The following ZBED1 variants were observed in gnomAD, a reference collection of about 807,000 sequenced individuals.
ZBED1 encodes zinc finger BED-type containing 1.
Under a neutral mutation model 49.7 loss-of-function variants are expected in ZBED1, and 19 were observed. That is an observed-to-expected ratio of 0.38 (90% CI 0.27 to 0.56). The LOEUF (loss-of-function observed/expected upper bound fraction) is 0.56, where lower values mean the gene tolerates loss of function less well. ZBED1 is among the 20% of genes least tolerant of loss of function. ZBED1 has a pLI of 0.70. For missense variants in ZBED1, 806 were observed against 972.6 expected (o/e 0.83, Z 2.28); for synonymous variants, 439 against 440.3 (o/e 1.00, Z 0.04).
Position 2,488,628 on chromosome X carries a change from T to G in ZBED1, c.*7A>C. ...GGGGATGACTTGTAAGACAACACGC[T>G]TCCTCGCTACAGGAAGCTGCTGTCC... On this transcript the variant is annotated 3_prime_UTR_variant, in exon 2 of 2. Coordinates refer to ENST00000652001, the MANE Select transcript of ZBED1 (RefSeq NM_001171136.2). 7.6e-6 allele frequency: 12 copies of G among 1,588,696 alleles called. No homozygotes were observed. The highest frequency in any genetic ancestry group is 1.0e-5 in the Non-Finnish European group (12 of 1,168,572).
intron 1 of ZBED1, among the ~76,000 whole-genome samples, chrX:2,492,339 G>A (rs2045173199): frequency 6.6e-6 from 1 of 152,172 alleles, no homozygotes; most frequent in Non-Finnish European, 1.5e-5. Flanking sequence ...TGGAGACAGA[G>A]GCCGAGACTG....
Position 2,489,560 on chromosome X carries a change from T to A in ZBED1, c.1160A>T (p.Glu387Val). ...EDSNNHHLML[E>V]ASEWATIEGL... ...CTCGATGGTGGCCCACTCGCTGGCC[T>A]CCAGCATGAGGTGGTGGTTGTTGCT... is the stretch of plus-strand genomic sequence containing the variant. The change falls in exon 2 of 2, where the codon GAG becomes GTG. Residue 387 changes from glutamate to valine, a missense_variant. Physicochemically the swap from Glu to Val is moderately radical, Grantham distance 121. This residue lies in a region of ZBED1 where 749 missense variants were observed against 861.3 expected (regional missense o/e 0.87). Coordinates refer to ENST00000652001, the MANE Select transcript of ZBED1 (RefSeq NM_001171136.2). The A allele has an allele frequency of 1.9e-6, 3 of 1,612,658 alleles. No homozygotes were observed. The highest frequency in any genetic ancestry group is 2.5e-6 in the Non-Finnish European group (3 of 1,179,824).
In ZBED1 at chrX:2,491,066, G is replaced by GTTTT. The variant is rs900738620; in HGVS notation, c.-53-298_-53-295dup. 2.0e-3 allele frequency among the ~76,000 whole-genome samples: 222 copies of GTTTT among 110,190 alleles called. 10 individuals carry two copies. Among genetic ancestry groups the GTTTT allele is most frequent in the East Asian group, 6.6e-3 (25 of 3,782 alleles). The allele number at this position is 110,190 out of a possible 152,430, so 72.3% of individuals were successfully genotyped here. On this transcript the variant is annotated intron_variant, in intron 1 of 1. Coordinates refer to ENST00000652001, the MANE Select transcript of ZBED1 (RefSeq NM_001171136.2). ...GGGCTGTACCTGACAAGTGCCTTTAGTTTTTTTTTTTTTTTTTTTTTGAGA... is the reference window on the plus strand; with the variant it reads ...GGGCTGTACCTGACAAGTGCCTTTAGTTTTTTTTTTTTTTTTTTTTTTTTTGAGA...
Position 2,490,689 on chromosome X carries a change from T to A in ZBED1, c.31A>T (p.Thr11Ser). 6.2e-7 allele frequency: 1 copy of A among 1,613,902 alleles called. No individual in the cohort carries two copies. Among genetic ancestry groups the A allele is most frequent in the Non-Finnish European group, 8.5e-7 (1 of 1,179,826 alleles). Residue 11 changes from threonine (T) to serine (S), a missense_variant, in exon 2 of 2, where the codon ACA becomes TCA. Around this residue, in one of 2 missense-constraint regions of ZBED1, gnomAD observed 57 missense variants for 111.3 expected, o/e 0.51. Transcript: ENST00000652001. MENKSLESSQTDLKLVAHPRA... is the reference protein window; with the variant it reads MENKSLESSQSDLKLVAHPRA... ...GGGTGGGCCACCAGCTTCAGGTCTGTCTGGGAGCTCTCCAGGCTTTTATTC... is the reference window on the plus strand; with the variant it reads ...GGGTGGGCCACCAGCTTCAGGTCTGACTGGGAGCTCTCCAGGCTTTTATTC...
In ZBED1 at chrX:2,489,107, G is replaced by C. The variant is rs139100576; in HGVS notation, c.1613C>G (p.Pro538Arg). The C allele has an allele frequency of 1.4e-5, 23 of 1,613,470 alleles. No individual in the cohort carries two copies. The highest frequency in any genetic ancestry group is 1.9e-5 in the Non-Finnish European group (22 of 1,179,844). ...GTTGTTGATGACGCTGGCGGGCGGC[G>C]GCGTGGATGTCCGCATGAGCTTCTT... ...PVKKLMRTST[P>R]PPASVINNML... Residue 538 changes from proline (P) to arginine (R), a missense_variant, in exon 2 of 2, where the codon CCG becomes CGG. By Grantham distance (103) the Pro-to-Arg change is moderately radical. Coordinates refer to ENST00000652001, the MANE Select transcript of ZBED1 (RefSeq NM_001171136.2).
chrX:2,500,664 C>CCCCCCCCCCCCCCCCA, intron 1 of ZBED1, 153 bp downstream of exon 1: 1 of 129,892 alleles, frequency 7.7e-6, no homozygotes, highest in Non-Finnish European at 1.7e-5. Context: ...GCCCCCCCCC[C>CCCCCCCCCCCCCCCCA]ACCCCCGGCC....
chrX:2,492,841 G>A (rs1240039855), intron 1 of ZBED1, among the ~76,000 whole-genome samples: 2 of 152,234 alleles, frequency 1.3e-5, no homozygotes, highest in Non-Finnish European at 2.9e-5. Flanking sequence ...GAGAGAATAA[G>A]CTATGGTTTT....
At position 2,496,471 on chromosome X, in the gene ZBED1, T is replaced by G. The variant is rs753883137; in HGVS notation, c.-54+4346A>C. On this transcript the variant is annotated intron_variant, in intron 1 of 1. Transcript: ENST00000652001. ...GCCTCAGCCTCCCAAAGTGCTGGGA[T>G]TATAGGCATGAGCCACCGCACCCGG... Among the ~76,000 whole-genome samples the G allele has an allele frequency of 3.9e-4, 59 of 152,302 alleles. No individual in the cohort carries two copies. In the East Asian group the frequency reaches 0.011, roughly 29 times the overall value.
At chrX:2,496,478 C>A (rs1569350376) in intron 1 of ZBED1, among the ~76,000 whole-genome samples, 1 of 152,148 alleles carries the variant, frequency 6.6e-6, no homozygotes, top group Admixed American at 6.5e-5. Context: ...GGATTATAGG[C>A]ATGAGCCACC....
intron 1 of ZBED1, among the ~76,000 whole-genome samples, chrX:2,493,701 G>T (rs755502485): frequency 6.6e-6 from 1 of 152,086 alleles, no homozygotes; most frequent in East Asian, 1.9e-4. Context: ...CAGGCACAGC[G>T]GCTCACGCCT....
At chrX:2,500,586 G>A (rs1308758533) in intron 1 of ZBED1, 2 of 190,048 alleles carry the variant, frequency 1.1e-5, no homozygotes, top group Non-Finnish European at 2.1e-5. Context: ...GGGTCGGGCC[G>A]GGCCAGGCGC....
chrX:2,495,797 T>G (rs899422675), intron 1 of ZBED1, among the ~76,000 whole-genome samples: 1 of 151,564 alleles, frequency 6.6e-6, no homozygotes, highest in African/African-American at 2.4e-5. Context: ...GGGGGGACAC[T>G]CCCCAAAACG....
At chrX:2,492,617 G>A (rs190475067) in intron 1 of ZBED1, among the ~76,000 whole-genome samples, 1 of 151,918 alleles carries the variant, frequency 6.6e-6, no homozygotes, top group Non-Finnish European at 1.5e-5. Flanking sequence ...AGTGACAGAT[G>A]TCCTTATAAA....
Position 2,489,707 on chromosome X carries a change from T to G in ZBED1, c.1013A>C (p.Gln338Pro). ...CAGCATGCAGTGGGCCACGTTCTGC[T>G]GCTTCTGCTTCTCATAGAGCATGTA... ...AMYMLYEKQK[Q>P]QNVAHCMLVS... The change falls in exon 2 of 2, where the codon CAG becomes CCG. Residue 338 changes from glutamine (Q) to proline (P), a missense_variant. Around this residue, in one of 2 missense-constraint regions of ZBED1, gnomAD observed 749 missense variants for 861.3 expected, o/e 0.87. Coordinates refer to ENST00000652001, the MANE Select transcript of ZBED1 (RefSeq NM_001171136.2). 6.2e-7 allele frequency: 1 copy of G among 1,612,924 alleles called. No individual in the cohort carries two copies. Among genetic ancestry groups the G allele is most frequent in the Non-Finnish European group, 8.5e-7 (1 of 1,179,836 alleles).
rs1179538285 is a variant in ZBED1, at chrX:2,489,628, G to A, written c.1092C>T (p.Leu364=). Residue 364 remains leucine, a synonymous_variant, in exon 2 of 2, where the codon CTC becomes CTT. Transcript: ENST00000652001. ...WGSTLAMLQR[L]KEQQFVIAGV... is the part of the protein sequence containing the mutation. ...CGGCGATGACGAACTGCTGCTCCTT[G>A]AGGCGCTGCAGCATGGCCAGCGTGC... The A allele has an allele frequency of 6.2e-7, 1 of 1,612,548 alleles. No individual in the cohort carries two copies. The highest frequency in any genetic ancestry group is 8.5e-7 in the Non-Finnish European group (1 of 1,179,806).
At chrX:2,498,625 GAAAAAAAA>G (rs10624636) in intron 1 of ZBED1, among the ~76,000 whole-genome samples, 1 of 128,778 alleles carries the variant, frequency 7.8e-6, no homozygotes, top group African/African-American at 3.0e-5. Context: ...CAGTAAATGG[GAAAAAAAA>G]AAAAAAAAAA....
chrX:2,498,479 T>C (rs2045334102), intron 1 of ZBED1, among the ~76,000 whole-genome samples: 1 of 152,170 alleles, frequency 6.6e-6, no homozygotes, highest in South Asian at 2.1e-4. Flanking sequence ...AGGGGCTCGA[T>C]GAGGGCAAGC....
At chrX:2,500,654 G>GCCCCCCCCCC (rs546772121) in intron 1 of ZBED1, 163 bp downstream of exon 1, 2 of 126,742 alleles carry the variant, frequency 1.6e-5, no homozygotes, top group Non-Finnish European at 3.3e-5. Flanking sequence ...CGCGCACGCC[G>GCCCCCCCCCC]CCCCCCCCCC....
In ZBED1 at chrX:2,489,258, A is replaced by G. The variant is rs2045052144; in HGVS notation, c.1462T>C (p.Phe488Leu). The part of the protein sequence containing the change: ...RYKRLPFLSA[F>L]ERQQVENRVV... ...CGATTCTCCACCTGCTGCCGCTCGA[A>G]GGCGGAGAGGAAGGGCAGCCTCTTG... is the stretch of plus-strand genomic sequence containing the variant. The change falls in exon 2 of 2, where the codon TTC (phenylalanine) becomes CTC (leucine). Residue 488 changes from phenylalanine (F) to leucine (L), a missense_variant. This residue lies in a region of ZBED1 where 749 missense variants were observed against 861.3 expected (regional missense o/e 0.87). Transcript: ENST00000652001. 6.2e-7 allele frequency: 1 copy of G among 1,613,790 alleles called. No homozygotes were observed. The highest frequency in any genetic ancestry group is 1.7e-5 in the Admixed American group (1 of 59,986).
Sources: gnomAD v4.1 joint callset for allele counts (sites outside exome capture counted in the v4.1 genomes callset) on GRCh38, gnomAD v4.1.1 for gene constraint, gnomAD v4.1.1 regional missense constraint, MANE v1.5 for transcripts, NCBI Gene and HGNC (gene_info 2026-07-23, HGNC 2026-07-21) for gene names.